IL6R: variants seen among roughly 807,000 people sequenced by gnomAD.
IL6R encodes interleukin-6 receptor subunit alpha.
A neutral mutation model predicts 48.3 loss-of-function variants in IL6R; 38 were observed. The ratio of observed to expected loss-of-function variants is 0.79; its 90% CI spans 0.61 to 1.03. The LOEUF (loss-of-function observed/expected upper bound fraction) is 1.03, where lower values mean the gene tolerates loss of function less well. Ranked by LOEUF, IL6R falls within the 50% of genes least tolerant of loss-of-function variation. IL6R has a pLI of 0.00. For missense variants in IL6R, 534 were observed against 618.3 expected (o/e 0.86, Z 1.45); for synonymous variants, 264 against 256.2 (o/e 1.03, Z -0.29).
chr1:154,437,259 G>A (rs936145668), intron 6 of IL6R, among the ~76,000 whole-genome samples: 92 of 152,200 alleles, frequency 6.0e-4, no homozygotes, highest in African/African-American at 2.0e-3. Context: ...ACCACGCCCA[G>A]CTAATTTTTT....
At chr1:154,452,762 C>T (rs1299817371) in intron 8 of IL6R, among the ~76,000 whole-genome samples, 3 of 150,168 alleles carry the variant, frequency 2.0e-5, no homozygotes, top group South Asian at 2.1e-4. Flanking sequence ...ACCCGGGAGG[C>T]GGAGGTTGCA....
chr1:154,412,887 G>A (rs113134615), intron 1 of IL6R, among the ~76,000 whole-genome samples: 261 of 152,020 alleles, frequency 1.7e-3, no homozygotes, highest in African/African-American at 6.0e-3. Flanking sequence ...CTGAATCCTG[G>A]GCTTGACCTG....
At position 154,468,590 on chromosome 1, in the gene IL6R, C is replaced by T. The variant is rs1029393202; in HGVS notation, c.*3210C>T. ...TTGCCCTTACGCTTTCTTTATCAGGCTCTGAGTTCACACGGAGCCTCTGGC... is the reference window on the plus strand; with the variant it reads ...TTGCCCTTACGCTTTCTTTATCAGGTTCTGAGTTCACACGGAGCCTCTGGC... On this transcript the variant is annotated 3_prime_UTR_variant, in exon 10 of 10. Transcript: ENST00000368485. The T allele has an allele frequency of 6.6e-6, 1 of 152,194 alleles. No homozygotes were observed. The highest frequency in any genetic ancestry group is 1.5e-5 in the Non-Finnish European group (1 of 68,058). The allele number at this position is 152,194 out of a possible 1,614,324, so 9.4% of individuals were successfully genotyped here.
At chr1:154,427,005 G>A (rs1381708657) in intron 1 of IL6R, among the ~76,000 whole-genome samples, 1 of 150,860 alleles carries the variant, frequency 6.6e-6, no homozygotes, top group African/African-American at 2.4e-5. Flanking sequence ...TGCAAGCTCC[G>A]CCTCCCTGGT....
In IL6R at chr1:154,468,522, G is replaced by A. The variant is rs141113814; in HGVS notation, c.*3142G>A. On this transcript the variant is annotated 3_prime_UTR_variant, in exon 10 of 10. Transcript: ENST00000368485. ...CAGGGGTAGCACTGGCTATGTTGAC[G>A]AGGCCTTTGGTAACTCAGAGAGCTC... 2.4e-4 allele frequency: 37 copies of A among 152,346 alleles called. No individual in the cohort carries two copies. Among genetic ancestry groups the A allele is most frequent in the African/African-American group, 8.7e-4 (36 of 41,572 alleles). 9.4% of individuals were successfully genotyped at this position (152,346 alleles called of 1,614,324 possible).
intron 3 of IL6R, among the ~76,000 whole-genome samples, chr1:154,431,169 G>A (rs541734090): frequency 2.0e-5 from 3 of 152,262 alleles, no homozygotes; most frequent in East Asian, 1.9e-4. Context: ...GAGAAGTCAC[G>A]CCTGCCTGGG....
intron 1 of IL6R, chr1:154,415,064 GC>G: frequency 6.9e-7 from 1 of 1,447,208 alleles, no homozygotes. Flanking sequence ...GCTTGAGGCA[GC>G]CCAGCTCTTC....
At position 154,454,558 on chromosome 1, in the gene IL6R, C is replaced by T. The variant is rs746299332; in HGVS notation, c.1137C>T (p.Leu379=). Residue 379 remains leucine (L), a synonymous_variant, in exon 9 of 10, where the codon CTC becomes CTT. Transcript: ENST00000368485. ...VAGGSLAFGT[L]LCIAIVLRFK... is the part of the protein sequence containing the mutation. ...GAGGGAGCCTGGCCTTCGGAACGCT[C>T]CTCTGCATTGCCATTGTTCTGAGGT... 1.9e-6 allele frequency: 3 copies of T among 1,613,212 alleles called. No homozygotes were observed. The highest frequency in any genetic ancestry group is 2.5e-6 in the Non-Finnish European group (3 of 1,179,270).
At chr1:154,437,850 A>G (rs1689722777) in intron 6 of IL6R, among the ~76,000 whole-genome samples, 2 of 149,864 alleles carry the variant, frequency 1.3e-5, no homozygotes, top group South Asian at 4.2e-4. Context: ...AGTAGCTGGG[A>G]CTACAGGTGC....
chr1:154,428,783 G>C (rs373970578), intron 1 of IL6R, among the ~76,000 whole-genome samples: 21 of 152,174 alleles, frequency 1.4e-4, no homozygotes, highest in African/African-American at 5.1e-4. Context: ...GTTGTCGTGG[G>C]GATGATGTAG....
At chr1:154,426,794 T>C (rs920095909) in intron 1 of IL6R, among the ~76,000 whole-genome samples, 18 of 152,182 alleles carry the variant, frequency 1.2e-4, no homozygotes, top group African/African-American at 4.3e-4. Flanking sequence ...TAAAAATATA[T>C]TGTTGAAGAT....
At chr1:154,433,601 A>G (rs1383439950) in intron 3 of IL6R, among the ~76,000 whole-genome samples, 1 of 152,064 alleles carries the variant, frequency 6.6e-6, no homozygotes, top group East Asian at 1.9e-4. Context: ...CCAGCCGACC[A>G]TTGCCTGAGT....
chr1:154,459,302 G>C (rs1314313842), intron 9 of IL6R, among the ~76,000 whole-genome samples: 2 of 152,254 alleles, frequency 1.3e-5, no homozygotes, highest in African/African-American at 4.8e-5. Flanking sequence ...CCAGTGCCCT[G>C]TGCTGAGAAC....
intron 8 of IL6R, among the ~76,000 whole-genome samples, chr1:154,453,050 C>CA (rs1301083147): frequency 1.3e-5 from 2 of 149,664 alleles, no homozygotes; most frequent in African/African-American, 4.9e-5. Flanking sequence ...ACAAAAAATA[C>CA]AAAAATTAGC....
At chr1:154,407,018 G>T (rs1044380949) in intron 1 of IL6R, among the ~76,000 whole-genome samples, 1 of 152,150 alleles carries the variant, frequency 6.6e-6, no homozygotes, top group South Asian at 2.1e-4. Flanking sequence ...AACCCCTCCC[G>T]TGGCTCTGTG....
At chr1:154,464,571 T>C (rs1691445080) in intron 9 of IL6R, among the ~76,000 whole-genome samples, 1 of 152,194 alleles carries the variant, frequency 6.6e-6, no homozygotes, top group Non-Finnish European at 1.5e-5. Context: ...CTCAGTTTCT[T>C]CACTTGTAAA....
intron 8 of IL6R, 63 bp downstream of exon 8, chr1:154,450,043 A>C: frequency 9.5e-7 from 1 of 1,050,136 alleles, no homozygotes; most frequent in Non-Finnish European, 1.5e-6. Context: ...CTCTGCAGAA[A>C]GTCCTTTCTT....
intron 9 of IL6R, 77 bp from the exon 10 acceptor site, chr1:154,465,057 T>C (rs944623553): frequency 1.3e-6 from 2 of 1,571,332 alleles, no homozygotes; most frequent in Non-Finnish European, 1.7e-6. Flanking sequence ...CAGCCAGCTG[T>C]TGGTGTTTTC....
intron 8 of IL6R, among the ~76,000 whole-genome samples, chr1:154,452,300 G>T (rs1173431890): frequency 6.6e-6 from 1 of 152,154 alleles, no homozygotes; most frequent in African/African-American, 2.4e-5. Context: ...TCCCAGCAAA[G>T]CCATGTGGTC....
Sources: allele counts gnomAD v4.1 joint callset (sites outside exome capture counted in the v4.1 genomes callset), GRCh38; gene constraint gnomAD v4.1.1; transcripts MANE v1.5; gene names NCBI Gene and HGNC (gene_info 2026-07-23, HGNC 2026-07-21).